Variants in VWA8 observed in about 807,000 individuals in gnomAD.
VWA8 encodes von Willebrand factor A domain-containing protein 8.
VWA8 carries 221 observed loss-of-function variants against 241.5 expected under a neutral mutation model. The ratio of observed to expected loss-of-function variants is 0.91; its 90% CI spans 0.82 to 1.02. The LOEUF (loss-of-function observed/expected upper bound fraction) is 1.02, where lower values mean the gene tolerates loss of function less well. Among genes scored for constraint, VWA8 ranks in the 50% least tolerant of loss-of-function variants. The probability of loss-of-function intolerance (pLI) is 0.00; values close to 1 mark genes in which losing one functional copy is unlikely to be tolerated. For synonymous variants in VWA8, 852 were observed against 827.1 expected (o/e 1.03, Z -0.52); for missense variants, 2,322 against 2,328.7 (o/e 1.00, Z 0.06).
At chr13:41,578,451 C>T (rs2044363829) in intron 42 of VWA8, among the ~76,000 whole-genome samples, 1 of 152,082 alleles carries the variant, frequency 6.6e-6, no homozygotes, top group Non-Finnish European at 1.5e-5. Flanking sequence ...CAGCAATACT[C>T]CTCCATCAAA....
chr13:41,849,699 C>T lies in VWA8; in HGVS notation c.1425+16037G>A, dbSNP rs545261668. 1.1e-4 allele frequency among the ~76,000 whole-genome samples: 17 copies of T among 152,076 alleles called. No homozygotes were observed. The East Asian group carries it at 1.2e-3, about 10-fold the overall frequency. On this transcript the variant is annotated intron_variant, in intron 12 of 44. Coordinates refer to ENST00000379310, the MANE Select transcript of VWA8 (RefSeq NM_015058.2). The stretch of plus-strand genomic sequence containing the variant: ...GTCAGGAGTTCAAGACCAGCCTGAC[C>T]GATATGGTGAAACCCTGTCTCTACT...
chr13:41,639,268 A>C (rs867137451), intron 37 of VWA8, among the ~76,000 whole-genome samples: 1 of 152,130 alleles, frequency 6.6e-6, no homozygotes, highest in Non-Finnish European at 1.5e-5. Context: ...TGCTAGATAG[A>C]TGTGAAAAAA....
chr13:41,619,493 C>T (rs1338240652), intron 37 of VWA8, among the ~76,000 whole-genome samples: 1 of 152,202 alleles, frequency 6.6e-6, no homozygotes, highest in African/African-American at 2.4e-5. Flanking sequence ...CTGGCCAGAA[C>T]TTCCAACACT....
intron 2 of VWA8, among the ~76,000 whole-genome samples, chr13:41,941,758 T>C (rs1877609365): frequency 7.2e-5 from 11 of 152,186 alleles, no homozygotes; most frequent in Admixed American, 7.2e-4. Context: ...CCTACACATT[T>C]CATATATGCT....
intron 37 of VWA8, among the ~76,000 whole-genome samples, chr13:41,621,869 C>T (rs1265255585): frequency 2.0e-5 from 3 of 152,086 alleles, no homozygotes; most frequent in African/African-American, 7.2e-5. Context: ...TGTTCTTTGC[C>T]ACCTGTGTGT....
In VWA8 at chr13:41,701,432, C is replaced by T; in HGVS notation, c.3324G>A (p.Leu1108=). 1 of 1,610,568 alleles carries T rather than the reference C, an allele frequency of 6.2e-7. No individual in the cohort carries two copies. The highest frequency in any genetic ancestry group is 8.5e-7 in the Non-Finnish European group (1 of 1,178,692). Residue 1108 remains leucine, a synonymous_variant, in exon 28 of 45, where the codon TTG becomes TTA. Coordinates refer to ENST00000379310, the MANE Select transcript of VWA8 (RefSeq NM_015058.2). ...TGTCACAGATTATATTAATTTCATC[C>T]AATGGTATTCTCCATGAGGCACATT... ...TEECASWRIP[L]DEINIICDIA...
chr13:41,792,225 G>A (rs76950112), intron 17 of VWA8, among the ~76,000 whole-genome samples: 1,993 of 151,370 alleles, frequency 0.013, 23 homozygotes, highest in Middle Eastern at 0.051. Context: ...TATAGTCCCT[G>A]AATGCCAGTG....
At chr13:41,604,224 T>C (rs1234537127) in intron 40 of VWA8, among the ~76,000 whole-genome samples, 1 of 152,186 alleles carries the variant, frequency 6.6e-6, no homozygotes, top group African/African-American at 2.4e-5. Context: ...TGAGTGACTA[T>C]GTAAGAAGAT....
At position 41,816,763 on chromosome 13, in the gene VWA8, G is replaced by A. The variant is rs1394413146; in HGVS notation, c.1882C>T (p.Pro628Ser). The change falls in exon 16 of 45, where the codon CCT (proline) becomes TCT (serine). Residue 628 changes from proline to serine, a missense_variant. Transcript: ENST00000379310. ...QVIKEKVPNV[P>S]QEALDKLLSF... ...AATAACTTATCCAGAGCTTCCTGAG[G>A]TACATTTGGGACCTATTTTTTGAAA... 1 of 1,612,938 alleles carries A rather than the reference G, an allele frequency of 6.2e-7. No homozygotes were observed. The highest frequency in any genetic ancestry group is 1.3e-5 in the African/African-American group (1 of 74,842).
intron 21 of VWA8, among the ~76,000 whole-genome samples, chr13:41,742,398 A>G (rs1398179645): frequency 1.3e-5 from 2 of 152,320 alleles, no homozygotes; most frequent in East Asian, 3.9e-4. Context: ...TTAGCAAAGG[A>G]GACAGAGATG....
intron 14 of VWA8, among the ~76,000 whole-genome samples, chr13:41,827,058 C>T (rs1045964049): frequency 2.0e-5 from 3 of 151,928 alleles, no homozygotes; most frequent in African/African-American, 7.3e-5. Flanking sequence ...TTATACAGAC[C>T]TTTAGTCTAA....
rs1566421428 is a variant in VWA8, at chr13:41,703,411, C to A, written c.3117G>T (p.Glu1039Asp). The part of the protein sequence containing the change: ...AKPTSVQLAK[E>D]LTLPEQTFMG... Reference sequence around the variant, plus strand: ...TGAACGTTTGTTCTGGCAGAGTCAACCTGTTAAGGATGATTTGCAAAGTAA... The same window carrying A: ...TGAACGTTTGTTCTGGCAGAGTCAAACTGTTAAGGATGATTTGCAAAGTAA... The change falls in exon 27 of 45, where the codon GAG becomes GAT. Residue 1039 changes from glutamate (E) to aspartate (D), a missense_variant and splice_region_variant. By Grantham distance (45) the Glu-to-Asp change is conservative. Coordinates refer to ENST00000379310, the MANE Select transcript of VWA8 (RefSeq NM_015058.2). The A allele has an allele frequency of 1.2e-6, 2 of 1,613,592 alleles. No homozygotes were observed. The highest frequency in any genetic ancestry group is 1.3e-5 in the African/African-American group (1 of 74,888).
At chr13:41,880,025 A>C (rs1022853893) in intron 9 of VWA8, among the ~76,000 whole-genome samples, 1 of 152,226 alleles carries the variant, frequency 6.6e-6, no homozygotes, top group Non-Finnish European at 1.5e-5. Context: ...ATATAGTTAT[A>C]AGACATTTTA....
intron 20 of VWA8, among the ~76,000 whole-genome samples, chr13:41,769,119 C>T (rs2045800396): frequency 6.6e-6 from 1 of 152,166 alleles, no homozygotes; most frequent in Admixed American, 6.5e-5. Context: ...ATTGCCCAGG[C>T]TGGTCTGCAG....
At chr13:41,600,552 T>C (rs2044514726) in intron 40 of VWA8, among the ~76,000 whole-genome samples, 1 of 152,136 alleles carries the variant, frequency 6.6e-6, no homozygotes, top group Admixed American at 6.6e-5. Context: ...TCTATTCAGA[T>C]GACCACAAAA....
chr13:41,721,416 TA>T lies in VWA8; in HGVS notation c.2917del (p.Tyr973IlefsTer11). On this transcript the variant is annotated frameshift_variant, in exon 25 of 45. Transcript: ENST00000379310. LOFTEE classifies it high-confidence loss of function. ...RSLADQGIIN[Y>X]PYSTREVVNI... ...GACAACTTCTCTGGTAGAATAAGGA[TA>T]GTTAATAATCCCTTGGTCAGCCAAA... 1 of 1,613,834 alleles carries T rather than the reference TA, an allele frequency of 6.2e-7. No homozygotes were observed. Among genetic ancestry groups the T allele is most frequent in the South Asian group, 1.1e-5 (1 of 91,074 alleles).
chr13:41,892,213 A>G (rs1874879225), intron 4 of VWA8, among the ~76,000 whole-genome samples: 1 of 152,232 alleles, frequency 6.6e-6, no homozygotes. Flanking sequence ...AAATTAGGAA[A>G]TAAAGTAAAC....
At chr13:41,868,694 G>A (rs1470805571) in intron 9 of VWA8, among the ~76,000 whole-genome samples, 1 of 151,790 alleles carries the variant, frequency 6.6e-6, no homozygotes, top group African/African-American at 2.4e-5. Flanking sequence ...GACCATCCTG[G>A]CTAACACGGT....
intron 5 of VWA8, among the ~76,000 whole-genome samples, chr13:41,890,813 A>G (rs1282534723): frequency 6.6e-6 from 1 of 152,130 alleles, no homozygotes; most frequent in East Asian, 1.9e-4. Context: ...AATGCCCCCA[A>G]ATGGATGCAC....
Sources: gnomAD v4.1 joint callset for allele counts (sites outside exome capture counted in the v4.1 genomes callset) on GRCh38, gnomAD v4.1.1 for gene constraint, MANE v1.5 for transcripts, NCBI Gene and HGNC (gene_info 2026-07-23, HGNC 2026-07-21) for gene names.